Variants in HIPK2 observed in about 807,000 individuals in gnomAD.
HIPK2 encodes homeodomain-interacting protein kinase 2.
A neutral mutation model predicts 113.7 loss-of-function variants in HIPK2; 27 were observed. The ratio of observed to expected loss-of-function variants is 0.24; its 90% CI spans 0.17 to 0.33. The LOEUF (loss-of-function observed/expected upper bound fraction) is 0.33, where lower values mean the gene tolerates loss of function less well. Ranked by LOEUF, HIPK2 falls within the 10% of genes least tolerant of loss-of-function variation. HIPK2 has a pLI of 1.00. For synonymous variants in HIPK2, 631 were observed against 642.2 expected (o/e 0.98, Z 0.26); for missense variants, 1,257 against 1,588.0 (o/e 0.79, Z 3.54).
At chr7:139,777,183 G>C (rs1796781711) in intron 1 of HIPK2, 2 of 152,322 alleles carry the variant, frequency 1.3e-5, no homozygotes, top group Non-Finnish European at 2.9e-5. Context: ...GGTGGGCGCG[G>C]AAAGAAATGG....
At chr7:139,652,498 C>T (rs1475791945) in intron 2 of HIPK2, among the ~76,000 whole-genome samples, 2 of 152,172 alleles carry the variant, frequency 1.3e-5, no homozygotes, top group African/African-American at 2.4e-5. Context: ...CTTATCATCT[C>T]GTGTACACGT....
At chr7:139,583,685 G>C in intron 13 of HIPK2, 132 bp downstream of exon 13, 1 of 1,342,160 alleles carries the variant, frequency 7.5e-7, no homozygotes, top group East Asian at 2.5e-5. Flanking sequence ...TAAAATCCTC[G>C]GTAAGGGTCG....
At chr7:139,648,676 C>T (rs1195405990) in intron 2 of HIPK2, among the ~76,000 whole-genome samples, 1 of 152,158 alleles carries the variant, frequency 6.6e-6, no homozygotes, top group Non-Finnish European at 1.5e-5. Context: ...AGCAACGCCC[C>T]CCACCCTTCT....
At chr7:139,583,368 G>A (rs1426515641) in intron 13 of HIPK2, among the ~76,000 whole-genome samples, 3 of 152,196 alleles carry the variant, frequency 2.0e-5, no homozygotes, top group Non-Finnish European at 4.4e-5. Flanking sequence ...CCGAGGAGGG[G>A]CTGAGAGGGG....
intron 9 of HIPK2, among the ~76,000 whole-genome samples, chr7:139,606,093 T>A (rs542306800): frequency 3.3e-5 from 5 of 152,218 alleles, no homozygotes; most frequent in African/African-American, 1.2e-4. Context: ...AGAGATAGGG[T>A]AGAAAGACTA....
At chr7:139,575,394 G>A in intron 13 of HIPK2, 106 bp from the exon 14 acceptor site, 3 of 1,327,296 alleles carry the variant, frequency 2.3e-6, no homozygotes, top group East Asian at 2.5e-5. Flanking sequence ...ACATGTGCCT[G>A]AGGCCGGGCA....
intron 1 of HIPK2, among the ~76,000 whole-genome samples, chr7:139,722,511 CTA>C (rs1795443017): frequency 6.6e-6 from 1 of 152,190 alleles, no homozygotes; most frequent in Non-Finnish European, 1.5e-5. Context: ...CATCTGCCTT[CTA>C]GCCTTAATTA....
intron 1 of HIPK2, among the ~76,000 whole-genome samples, chr7:139,752,389 AT>A (rs1382605143): frequency 6.6e-6 from 1 of 152,102 alleles, no homozygotes; most frequent in Non-Finnish European, 1.5e-5. Flanking sequence ...TTCCACTCTA[AT>A]AAGATGCCCT....
chr7:139,606,957 A>C (rs937224354), intron 9 of HIPK2, among the ~76,000 whole-genome samples: 3 of 152,256 alleles, frequency 2.0e-5, no homozygotes, highest in Non-Finnish European at 2.9e-5. Flanking sequence ...TGTGGGAATC[A>C]GAAGAAAATT....
At chr7:139,610,648 G>T (rs1298036964) in intron 9 of HIPK2, among the ~76,000 whole-genome samples, 1 of 152,150 alleles carries the variant, frequency 6.6e-6, no homozygotes, top group African/African-American at 2.4e-5. Flanking sequence ...TAAGCACAGA[G>T]ATGAAGAATA....
At chr7:139,735,738 T>C (rs532871991) in intron 1 of HIPK2, among the ~76,000 whole-genome samples, 3 of 151,938 alleles carry the variant, frequency 2.0e-5, no homozygotes, top group Admixed American at 1.3e-4. Flanking sequence ...CACACGAGAG[T>C]GCACCCCAAG....
rs574651525 is a variant in HIPK2, at chr7:139,639,729, G to A, written c.1104-8004C>T. 3.1e-4 allele frequency among the ~76,000 whole-genome samples: 47 copies of A among 152,274 alleles called. 1 individual carries two copies. The South Asian group carries it at 8.9e-3, about 29-fold the overall frequency. ...CTGCTGTATCTCCAGCGCCTAGCAC[G>A]CAGCCTGGGCATGTAGGTGCTCCAT... On this transcript the variant is annotated intron_variant, in intron 2 of 14. Coordinates refer to ENST00000406875, the MANE Select transcript of HIPK2 (RefSeq NM_022740.5).
intron 1 of HIPK2, among the ~76,000 whole-genome samples, chr7:139,752,918 G>C (rs562847476): frequency 5.3e-5 from 8 of 152,150 alleles, no homozygotes; most frequent in Non-Finnish European, 1.0e-4. Context: ...ATCGTAAAGA[G>C]AATCTAGGTG....
chr7:139,651,181 C>T (rs1226747095), intron 2 of HIPK2, among the ~76,000 whole-genome samples: 1 of 152,118 alleles, frequency 6.6e-6, no homozygotes, highest in East Asian at 1.9e-4. Context: ...CTGCCCTGCC[C>T]TGATGGGAAC....
At position 139,706,301 on chromosome 7, in the gene HIPK2, G is replaced by A. The variant is rs527249718; in HGVS notation, c.1103+9631C>T. Among the ~76,000 whole-genome samples, 75 of 152,282 alleles carry A rather than the reference G, an allele frequency of 4.9e-4. 1 individual carries two copies. The highest frequency in any genetic ancestry group is 1.7e-3 in the African/African-American group (69 of 41,554). ...TGTACGTTCCCCAAGAGGCGGAAGC[G>A]GGCGGCCCCTGTGATTCAGGGTTCA... On this transcript the variant is annotated intron_variant, in intron 2 of 14. Transcript: ENST00000406875.
intron 2 of HIPK2, among the ~76,000 whole-genome samples, chr7:139,713,113 C>T (rs1795119614): frequency 6.6e-6 from 1 of 152,070 alleles, no homozygotes; most frequent in African/African-American, 2.4e-5. Context: ...GAGGGTCCTT[C>T]AGAGGGATGT....
At chr7:139,751,011 A>G (rs956124626) in intron 1 of HIPK2, among the ~76,000 whole-genome samples, 1 of 152,110 alleles carries the variant, frequency 6.6e-6, no homozygotes, top group Admixed American at 6.5e-5. Flanking sequence ...TTGAACTTCT[A>G]TATTTATTTG....
intron 1 of HIPK2, among the ~76,000 whole-genome samples, chr7:139,773,152 C>T (rs888447278): frequency 6.6e-6 from 1 of 152,134 alleles, no homozygotes; most frequent in East Asian, 1.9e-4. Context: ...GATGGGCCCT[C>T]GTCTGTCAAG....
intron 2 of HIPK2, among the ~76,000 whole-genome samples, chr7:139,707,103 G>C (rs1794923425): frequency 6.6e-6 from 1 of 152,256 alleles, no homozygotes; most frequent in Non-Finnish European, 1.5e-5. Flanking sequence ...AGGCTCCTCA[G>C]AGGTGGGACG....
Sources: allele counts gnomAD v4.1 joint callset (sites outside exome capture counted in the v4.1 genomes callset), GRCh38; gene constraint gnomAD v4.1.1; transcripts MANE v1.5; gene names NCBI Gene and HGNC (gene_info 2026-07-23, HGNC 2026-07-21).